The following ITPR2 variants were observed in gnomAD, a reference collection of about 807,000 sequenced individuals.
ITPR2 encodes the protein inositol 1,4,5-trisphosphate receptor type 2.
Under a neutral mutation model 317.1 loss-of-function variants are expected in ITPR2, and 207 were observed. The observed-to-expected ratio is 0.65, with a 90% CI of 0.58 to 0.73. ITPR2 has a LOEUF of 0.73. Among genes scored for constraint, ITPR2 ranks in the 30% least tolerant of loss-of-function variants. The pLI is 0.00. For synonymous variants in ITPR2, 1,156 were observed against 1,149.1 expected, an observed-to-expected ratio of 1.01 and a Z score of -0.12; for missense variants, 2,613 against 3,284.0, an observed-to-expected ratio of 0.80 and a Z score of 4.99.
At chr12:26,388,015 G>C (rs1939714905) in intron 54 of ITPR2, among the ~76,000 whole-genome samples, 1 of 152,214 alleles carries the variant, frequency 6.6e-6, no homozygotes, top group South Asian at 2.1e-4. Flanking sequence ...GATTAAAAGA[G>C]GGAAAGAATT....
chr12:26,487,876 G>A (rs1157005163), intron 39 of ITPR2, among the ~76,000 whole-genome samples: 2 of 152,128 alleles, frequency 1.3e-5, no homozygotes, highest in Non-Finnish European at 2.9e-5. Flanking sequence ...ACTTCTTTTG[G>A]TTCCTCATTA....
chr12:26,624,696 G>A (rs531380955), intron 23 of ITPR2, among the ~76,000 whole-genome samples: 38 of 152,010 alleles, frequency 2.5e-4, no homozygotes, highest in African/African-American at 6.3e-4. Flanking sequence ...GTGAGAATTT[G>A]GAGACAAGGG....
intron 54 of ITPR2, among the ~76,000 whole-genome samples, chr12:26,398,057 G>GGTGTGTGTGTGT (rs35660888): frequency 7.4e-5 from 10 of 135,080 alleles, no homozygotes; most frequent in African/African-American, 2.3e-4. Flanking sequence ...GGAGGGGAGT[G>GGTGTGTGTGTGT]GTGTGTGTGT....
At chr12:26,812,095 G>A (rs113990701) in intron 1 of ITPR2, among the ~76,000 whole-genome samples, 1,968 of 150,754 alleles carry the variant, frequency 0.013, 19 homozygotes, top group Non-Finnish European at 0.014. Context: ...CCCGGGAGGC[G>A]GAGGTTGCAG....
chr12:26,615,382 T>C (rs987881710), intron 26 of ITPR2, among the ~76,000 whole-genome samples: 7 of 152,052 alleles, frequency 4.6e-5, no homozygotes, highest in Admixed American at 4.6e-4. Flanking sequence ...GTGGCTGAAG[T>C]TTAAAAGTAA....
rs1943507085 is a variant in ITPR2 at position 26,516,295 on chromosome 12, A to AGGAAAGGAAAGGAAG, written c.5074-21036_5074-21035insCTTCCTTTCCTTTCC. Among the ~76,000 whole-genome samples, 24 of 52,548 alleles carry AGGAAAGGAAAGGAAG rather than the reference A, an allele frequency of 4.6e-4. 4 individuals carry two copies. In the South Asian group the frequency reaches 7.1e-3, roughly 16 times the overall value. The allele number at this position is 52,548 out of a possible 152,430, so 34.5% of individuals were successfully genotyped here. On this transcript the variant is annotated intron_variant, in intron 37 of 56. Coordinates refer to ENST00000381340, the MANE Select transcript of ITPR2 (RefSeq NM_002223.4). ...AGGAAGGGAAGGGAAGGGAAAGGAA[A>AGGAAAGGAAAGGAAG]GGAAAGGAAAGGAAAGGAAAGGAAA...
chr12:26,495,249 TA>T lies in ITPR2; in HGVS notation c.5084del (p.Leu1695Ter). On this transcript the variant is annotated frameshift_variant, in exon 38 of 57. Transcript: ENST00000381340. LOFTEE classifies it high-confidence loss of function. The stretch of plus-strand genomic sequence containing the variant: ...AGTATCGATTCAGAAGTATCTTTCT[TA>T]ATGTGTTACCCTAATAAGAAGGATA... ...KDSFVEEGNTLRKILLNRYFK... is the reference protein window; with the variant it reads ...KDSFVEEGNTXRKILLNRYFK... 2 of 1,558,328 alleles carry T rather than the reference TA, an allele frequency of 1.3e-6. No individual in the cohort carries two copies. Among genetic ancestry groups the T allele is most frequent in the Non-Finnish European group, 1.8e-6 (2 of 1,130,316 alleles).
intron 2 of ITPR2, among the ~76,000 whole-genome samples, chr12:26,782,023 T>G (rs1333271811): frequency 0.019 from 530 of 28,302 alleles, 8 homozygotes; most frequent in East Asian, 0.044. Flanking sequence ...TATATATATA[T>G]ATATATATAT....
chr12:26,599,054 A>T (rs1398371610), intron 30 of ITPR2, 91 bp downstream of exon 30: 36 of 1,149,920 alleles, frequency 3.1e-5, no homozygotes, highest in Non-Finnish European at 4.6e-5. Context: ...TTCCAAACCT[A>T]TGTTGTTGGG....
At chr12:26,362,448 C>T (rs982239437) in intron 55 of ITPR2, among the ~76,000 whole-genome samples, 5 of 152,202 alleles carry the variant, frequency 3.3e-5, no homozygotes, top group African/African-American at 9.7e-5. Context: ...TAGTGCCTAG[C>T]CCACAAGCCC....
At chr12:26,519,897 G>T (rs1943619067) in intron 37 of ITPR2, among the ~76,000 whole-genome samples, 1 of 152,210 alleles carries the variant, frequency 6.6e-6, no homozygotes, top group Admixed American at 6.5e-5. Context: ...ATAGTGGTAT[G>T]ATAAGTGATA....
chr12:26,636,049 T>C lies in ITPR2; in HGVS notation c.2741-3990A>G, dbSNP rs1194893629. On this transcript the variant is annotated intron_variant, in intron 21 of 56. Coordinates refer to ENST00000381340, the MANE Select transcript of ITPR2 (RefSeq NM_002223.4). ...CCAATTCCAAGTAAGATCACAGTATTTTGGAAAGCTGGATAGCTAGTTCTA... is the reference window on the plus strand; with the variant it reads ...CCAATTCCAAGTAAGATCACAGTATCTTGGAAAGCTGGATAGCTAGTTCTA... Among the ~76,000 whole-genome samples the C allele has an allele frequency of 5.3e-5, 8 of 152,328 alleles. No homozygotes were observed. The East Asian group carries it at 1.3e-3, about 26-fold the overall frequency.
chr12:26,553,590 T>C (rs1944583591), intron 36 of ITPR2, among the ~76,000 whole-genome samples: 1 of 151,936 alleles, frequency 6.6e-6, no homozygotes, highest in Non-Finnish European at 1.5e-5. Context: ...ATTGAGACCA[T>C]CCTGGCTAAC....
At chr12:26,816,620 A>G (rs1437013435) in intron 1 of ITPR2, among the ~76,000 whole-genome samples, 1 of 152,254 alleles carries the variant, frequency 6.6e-6, no homozygotes, top group African/African-American at 2.4e-5. Context: ...AGTTTAAAGT[A>G]TAGTGGGTGA....
intron 14 of ITPR2, among the ~76,000 whole-genome samples, 154 bp downstream of exon 14, chr12:26,665,756 C>T (rs1947611353): frequency 6.6e-6 from 1 of 152,228 alleles, no homozygotes; most frequent in South Asian, 2.1e-4. Flanking sequence ...TAGATCACTA[C>T]TCCACAGAAA....
intron 55 of ITPR2, among the ~76,000 whole-genome samples, chr12:26,352,045 A>T (rs1283973126): frequency 2.6e-5 from 4 of 152,196 alleles, no homozygotes; most frequent in Non-Finnish European, 4.4e-5. Context: ...GCTGCCCACA[A>T]TCTGAAGCTC....
At chr12:26,593,362 T>C (rs1945754942) in intron 32 of ITPR2, among the ~76,000 whole-genome samples, 1 of 152,236 alleles carries the variant, frequency 6.6e-6, no homozygotes, top group Non-Finnish European at 1.5e-5. Flanking sequence ...AAAATTTACC[T>C]AGAAGGCCAC....
intron 20 of ITPR2, 98 bp from the exon 21 acceptor site, chr12:26,654,224 G>T: frequency 1.1e-6 from 1 of 934,136 alleles, no homozygotes; most frequent in Non-Finnish European, 1.6e-6. Flanking sequence ...ATCTAAATTA[G>T]CACAGCAATT....
At chr12:26,399,134 T>C (rs1940091536) in intron 53 of ITPR2, 93 bp from the exon 54 acceptor site, 1 of 928,158 alleles carries the variant, frequency 1.1e-6, no homozygotes. Flanking sequence ...GTTTGTGAAA[T>C]GAATATAAAT....
Sources: allele counts gnomAD v4.1 joint callset (sites outside exome capture counted in the v4.1 genomes callset), GRCh38; gene constraint gnomAD v4.1.1; transcripts MANE v1.5; gene names NCBI Gene and HGNC (gene_info 2026-07-23, HGNC 2026-07-21).